LRRFIP1: variants seen among roughly 807,000 people sequenced by gnomAD.
The protein encoded by LRRFIP1 is LRR binding FLII interacting protein 1.
A neutral mutation model predicts 104.4 loss-of-function variants in LRRFIP1; 62 were observed. That is an observed-to-expected ratio of 0.59 (90% CI 0.48 to 0.73). LRRFIP1 has a LOEUF of 0.73. Ranked by LOEUF, LRRFIP1 falls within the 30% of genes least tolerant of loss-of-function variation. The pLI is 0.00. For synonymous variants in LRRFIP1, 300 were observed against 299.0 expected (o/e 1.00, Z -0.03); for missense variants, 796 against 824.5 (o/e 0.97, Z 0.42).
rs747448912 is a variant in LRRFIP1, at chr2:237,779,734, C to G, written c.*202C>G. On this transcript the variant is annotated 3_prime_UTR_variant, in exon 24 of 24. Transcript: ENST00000308482. ...ACCAGGTGCCTCTGTCTGCAGACCC[C>G]TGGCCCGGGCTGGCGCCGACGCTCA... is the stretch of plus-strand genomic sequence containing the variant. 2.9e-5 allele frequency: 14 copies of G among 481,922 alleles called. No homozygotes were observed. Among genetic ancestry groups the G allele is most frequent in the Non-Finnish European group, 4.5e-5 (12 of 264,728 alleles). 29.9% of individuals were successfully genotyped at this position (481,922 alleles called of 1,614,324 possible).
intron 1 of LRRFIP1, among the ~76,000 whole-genome samples, chr2:237,666,989 C>G (rs989282760): frequency 5.3e-5 from 8 of 150,220 alleles, no homozygotes; most frequent in African/African-American, 1.7e-4. Context: ...TATCACAAAG[C>G]ATTTTCACAG....
At chr2:237,750,386 G>A (rs2058468823) in intron 13 of LRRFIP1, among the ~76,000 whole-genome samples, 1 of 134,220 alleles carries the variant, frequency 7.5e-6, no homozygotes, top group Non-Finnish European at 1.5e-5. Flanking sequence ...ACCCATGCTG[G>A]AGTTCAATGG....
At chr2:237,643,026 C>A (rs34045344) in intron 1 of LRRFIP1, among the ~76,000 whole-genome samples, 18,026 of 152,246 alleles carry the variant, frequency 0.12, 1,492 homozygotes, top group Non-Finnish European at 0.19. Flanking sequence ...CCCGATGAGG[C>A]AACATTTGAG....
intron 20 of LRRFIP1, 117 bp from the exon 21 acceptor site, chr2:237,771,964 C>A: frequency 3.0e-6 from 2 of 667,704 alleles, no homozygotes; most frequent in Non-Finnish European, 5.4e-6. Flanking sequence ...TACTGATGGA[C>A]ACAAAGTGCC....
Position 237,717,710 on chromosome 2 carries a change from C to T in LRRFIP1, c.202-52C>T, listed in dbSNP as rs2094393884. The stretch of plus-strand genomic sequence containing the variant: ...TCAGAACAGTGCCTTAGACAACTGC[C>T]TTTTTAAGAAATTTCACTTCTTGCC... On this transcript the variant is annotated intron_variant, in intron 3 of 23. Coordinates refer to ENST00000308482, the MANE Select transcript of LRRFIP1 (RefSeq NM_001137550.2). The surrounding 1 kb of genome is among the most constrained non-coding windows in gnomAD (Gnocchi z 4.2). 5 of 1,402,154 alleles carry T rather than the reference C, an allele frequency of 3.6e-6. No individual in the cohort carries two copies. Among genetic ancestry groups the T allele is most frequent in the Non-Finnish European group, 4.1e-6 (4 of 987,034 alleles). The allele number at this position is 1,402,154 out of a possible 1,614,324, so 86.9% of individuals were successfully genotyped here.
At chr2:237,729,139 C>T (rs148901416) in intron 8 of LRRFIP1, among the ~76,000 whole-genome samples, 3 of 152,324 alleles carry the variant, frequency 2.0e-5, no homozygotes, top group African/African-American at 4.8e-5. Flanking sequence ...GCTGGCCAGG[C>T]TGGTCTCGAA....
intron 5 of LRRFIP1, 62 bp from the exon 6 acceptor site, chr2:237,720,710 A>C: frequency 6.8e-7 from 1 of 1,467,138 alleles, no homozygotes; most frequent in Non-Finnish European, 9.6e-7. Flanking sequence ...AAACTTGGGC[A>C]CTGGTTCTTC....
At chr2:237,647,031 C>T (rs2085032456) in intron 1 of LRRFIP1, among the ~76,000 whole-genome samples, 1 of 152,028 alleles carries the variant, frequency 6.6e-6, no homozygotes, top group Admixed American at 6.5e-5. Flanking sequence ...CATCAAGGCT[C>T]CTGACCATGA....
Position 237,643,559 on chromosome 2 carries a change from G to A in LRRFIP1, c.96+15819G>A, listed in dbSNP as rs546687928. 7.2e-5 allele frequency among the ~76,000 whole-genome samples: 11 copies of A among 152,316 alleles called. No homozygotes were observed. The East Asian group carries it at 7.7e-4, about 11-fold the overall frequency. On this transcript the variant is annotated intron_variant, in intron 1 of 23. Coordinates refer to ENST00000308482, the MANE Select transcript of LRRFIP1 (RefSeq NM_001137550.2). Reference sequence around the variant, plus strand: ...CCGTTACCATTGCTGTGACCTTCCCGCTGGGCGAAGCTGCTAGTTGAGGAT... The same window carrying A: ...CCGTTACCATTGCTGTGACCTTCCCACTGGGCGAAGCTGCTAGTTGAGGAT...
In LRRFIP1 at chr2:237,638,428, G is replaced by A. The variant is rs146920194; in HGVS notation, c.96+10688G>A. The stretch of plus-strand genomic sequence containing the variant: ...CAGATGAAGCTTCGCTCACTCACCC[G>A]CCTGCCGCTCACCTCCTGCTGTGTG... On this transcript the variant is annotated intron_variant, in intron 1 of 23. Coordinates refer to ENST00000308482, the MANE Select transcript of LRRFIP1 (RefSeq NM_001137550.2). Among the ~76,000 whole-genome samples the A allele has an allele frequency of 7.4e-3, 1,125 of 152,322 alleles. 10 individuals carry two copies. The highest frequency in any genetic ancestry group is 0.025 in the African/African-American group (1,037 of 41,576).
At chr2:237,692,533 G>A in intron 1 of LRRFIP1, 3 of 1,507,926 alleles carry the variant, frequency 2.0e-6, no homozygotes, top group South Asian at 2.5e-5. Context: ...TAAGAGGAAA[G>A]CGCTTCCGAA....
intron 12 of LRRFIP1, 36 bp from the exon 13 acceptor site, chr2:237,749,163 A>T: frequency 6.2e-7 from 1 of 1,605,858 alleles, no homozygotes; most frequent in Admixed American, 1.7e-5. Context: ...ACACAGAGCT[A>T]AACCATATCA....
intron 1 of LRRFIP1, among the ~76,000 whole-genome samples, chr2:237,655,605 T>G (rs2086684864): frequency 6.6e-6 from 1 of 152,212 alleles, no homozygotes; most frequent in East Asian, 1.9e-4. Flanking sequence ...AGAAAGCATG[T>G]GGGGAAGATT....
chr2:237,693,938 G>A (rs1435761701), intron 1 of LRRFIP1, among the ~76,000 whole-genome samples: 3 of 152,328 alleles, frequency 2.0e-5, no homozygotes, highest in Admixed American at 6.5e-5. Context: ...GCTGCCGGGA[G>A]GAAGGGAGAG....
At position 237,772,814 on chromosome 2, in the gene LRRFIP1, T is replaced by C. The variant is rs564163999; in HGVS notation, c.1628-52T>C. 92 of 1,204,816 alleles carry C rather than the reference T, an allele frequency of 7.6e-5. No individual in the cohort carries two copies. The Middle Eastern group carries it at 2.5e-3, about 32-fold the overall frequency. The allele number at this position is 1,204,816 out of a possible 1,614,324, so 74.6% of individuals were successfully genotyped here. ...TGGTTCCCAGTAACTATTGTTTTAA[T>C]ATTTGAAAAGCCCAAGAGCTTAACA... On this transcript the variant is annotated intron_variant, in intron 21 of 23. Coordinates refer to ENST00000308482, the MANE Select transcript of LRRFIP1 (RefSeq NM_001137550.2).
intron 1 of LRRFIP1, among the ~76,000 whole-genome samples, chr2:237,660,859 G>T (rs970028525): frequency 1.3e-5 from 2 of 152,146 alleles, no homozygotes; most frequent in African/African-American, 4.8e-5. Context: ...GGCAGAAAAA[G>T]GGAGAAAAGC....
At chr2:237,734,710 T>C (rs996767991) in intron 9 of LRRFIP1, among the ~76,000 whole-genome samples, 3 of 152,266 alleles carry the variant, frequency 2.0e-5, no homozygotes, top group African/African-American at 7.2e-5. Flanking sequence ...GGGCAAAGTT[T>C]GACATCACCA....
At chr2:237,657,195 C>T (rs770368093) in intron 1 of LRRFIP1, among the ~76,000 whole-genome samples, 1 of 151,300 alleles carries the variant, frequency 6.6e-6, no homozygotes, top group African/African-American at 2.4e-5. Flanking sequence ...GGCAGGGGAG[C>T]GAAGACAGAA....
intron 11 of LRRFIP1, among the ~76,000 whole-genome samples, chr2:237,747,053 T>C (rs747255794): frequency 1.3e-5 from 2 of 152,136 alleles, no homozygotes; most frequent in Non-Finnish European, 2.9e-5. Context: ...CACCCAGGTG[T>C]GGGGTGGCTG....
Sources: gnomAD v4.1 joint callset for allele counts (sites outside exome capture counted in the v4.1 genomes callset) on GRCh38, gnomAD v4.1.1 for gene constraint, Gnocchi (gnomAD v3.1) non-coding constraint, MANE v1.5 for transcripts, NCBI Gene and HGNC (gene_info 2026-07-23, HGNC 2026-07-21) for gene names.